Variants in NFATC3 observed in about 807,000 individuals in gnomAD.
The protein encoded by NFATC3 is nuclear factor of activated T-cells, cytoplasmic 3.
NFATC3 carries 46 observed loss-of-function variants against 98.6 expected under a neutral mutation model. That is an observed-to-expected ratio of 0.47 (90% CI 0.37 to 0.60). The LOEUF (loss-of-function observed/expected upper bound fraction) is 0.60. NFATC3 is among the 20% of genes least tolerant of loss of function. The probability of loss-of-function intolerance (pLI) is 0.00; values close to 1 mark genes in which losing one functional copy is unlikely to be tolerated. For synonymous variants in NFATC3, 512 were observed against 472.2 expected (o/e 1.08, Z -1.09); for missense variants, 1,256 against 1,295.5 (o/e 0.97, Z 0.47).
chr16:68,157,485 G>A (rs1019908429), intron 3 of NFATC3, among the ~76,000 whole-genome samples: 6 of 152,178 alleles, frequency 3.9e-5, no homozygotes, highest in Non-Finnish European at 2.9e-5. Flanking sequence ...TTAACAGTCT[G>A]TTAGAGGACC....
chr16:68,194,215 C>T (rs2040564104), intron 9 of NFATC3, among the ~76,000 whole-genome samples: 1 of 152,178 alleles, frequency 6.6e-6, no homozygotes, highest in Non-Finnish European at 1.5e-5. Flanking sequence ...ACAGCTGCCT[C>T]TCAGAAACAG....
At chr16:68,137,906 C>T (rs2037524431) in intron 3 of NFATC3, among the ~76,000 whole-genome samples, 1 of 152,106 alleles carries the variant, frequency 6.6e-6, no homozygotes, top group South Asian at 2.1e-4. Context: ...AGGCGTGAGC[C>T]ACCGTGCCCG....
intron 1 of NFATC3, among the ~76,000 whole-genome samples, chr16:68,104,040 C>T (rs764686372): frequency 2.0e-5 from 3 of 152,114 alleles, no homozygotes; most frequent in South Asian, 2.1e-4. Flanking sequence ...CTTGCATTTC[C>T]GTATAAATTT....
At chr16:68,190,695 C>G in intron 8 of NFATC3, 73 bp from the exon 9 acceptor site, 1 of 1,461,072 alleles carries the variant, frequency 6.8e-7, no homozygotes, top group Non-Finnish European at 9.2e-7. Context: ...AGTTGTGTAA[C>G]CTAGCATGAA....
chr16:68,181,970 A>G (rs2039967462), intron 7 of NFATC3, among the ~76,000 whole-genome samples: 1 of 152,312 alleles, frequency 6.6e-6, no homozygotes, highest in South Asian at 2.1e-4. Flanking sequence ...ATATTTACCT[A>G]GTATTAAAGT....
chr16:68,189,588 C>G (rs1207607143), intron 8 of NFATC3, among the ~76,000 whole-genome samples: 20 of 152,118 alleles, frequency 1.3e-4, no homozygotes, highest in Admixed American at 1.3e-3. Context: ...AAAAAGATCA[C>G]TTTGGAGAGT....
Position 68,191,486 on chromosome 16 carries a change from T to C in NFATC3, c.2817T>C (p.Leu939=), listed in dbSNP as rs750740160. 3 of 1,614,144 alleles carry C rather than the reference T, an allele frequency of 1.9e-6. No homozygotes were observed. Among genetic ancestry groups the C allele is most frequent in the Admixed American group, 1.7e-5 (1 of 60,002 alleles). ...AASHPLASSP[L]SGPPSPQLQP... is the part of the protein sequence containing the mutation. ...CTCATCCCTTGGCTAGTTCACCGCT[T>C]TCTGGGCCACCATCTCCTCAGCTTC... is the stretch of plus-strand genomic sequence containing the variant. Residue 939 remains leucine, a synonymous_variant, in exon 9 of 10, where the codon CTT becomes CTC. Coordinates refer to ENST00000346183, the MANE Select transcript of NFATC3 (RefSeq NM_173165.3).
At chr16:68,147,929 A>G (rs1391034931) in intron 3 of NFATC3, among the ~76,000 whole-genome samples, 1 of 152,076 alleles carries the variant, frequency 6.6e-6, no homozygotes, top group Non-Finnish European at 1.5e-5. Flanking sequence ...TAATGGCTGA[A>G]ATTTGTTTTT....
At chr16:68,140,393 T>G (rs1203573403) in intron 3 of NFATC3, among the ~76,000 whole-genome samples, 3 of 152,212 alleles carry the variant, frequency 2.0e-5, no homozygotes, top group African/African-American at 7.2e-5. Context: ...GGGAAGGGTT[T>G]AGAGCTGCAC....
At chr16:68,161,231 G>T (rs2038878356) in intron 4 of NFATC3, among the ~76,000 whole-genome samples, 2 of 152,172 alleles carry the variant, frequency 1.3e-5, no homozygotes, top group African/African-American at 4.8e-5. Context: ...TTAGTCAGCT[G>T]TAGAGGGAAA....
At chr16:68,130,648 G>T (rs1291116202) in intron 3 of NFATC3, among the ~76,000 whole-genome samples, 1 of 152,086 alleles carries the variant, frequency 6.6e-6, no homozygotes, top group African/African-American at 2.4e-5. Flanking sequence ...AAGCTATTTA[G>T]TTGATAGAGT....
intron 1 of NFATC3, 187 bp downstream of exon 1, chr16:68,085,971 G>A (rs923846902): frequency 2.2e-4 from 101 of 467,072 alleles, no homozygotes; most frequent in Non-Finnish European, 3.5e-4. Flanking sequence ...GCTGCGACGT[G>A]GAAGTGGTGG....
intron 8 of NFATC3, among the ~76,000 whole-genome samples, chr16:68,190,331 G>A (rs1412173497): frequency 1.3e-5 from 2 of 152,154 alleles, no homozygotes; most frequent in East Asian, 1.9e-4. Flanking sequence ...GGTAGGCTTC[G>A]GATCAGGGAT....
intron 1 of NFATC3, among the ~76,000 whole-genome samples, chr16:68,096,033 G>T (rs1464278552): frequency 6.6e-6 from 1 of 152,078 alleles, no homozygotes; most frequent in East Asian, 1.9e-4. Flanking sequence ...TGTTGCCCAG[G>T]CTGGAGTTCA....
intron 1 of NFATC3, among the ~76,000 whole-genome samples, chr16:68,106,712 C>T (rs1225292438): frequency 3.3e-5 from 5 of 151,852 alleles, no homozygotes; most frequent in Admixed American, 1.3e-4. Flanking sequence ...AGACGTGAGC[C>T]ACCGTACCCG....
intron 3 of NFATC3, among the ~76,000 whole-genome samples, chr16:68,156,801 T>C (rs1451506894): frequency 6.6e-6 from 1 of 151,832 alleles, no homozygotes; most frequent in East Asian, 1.9e-4. Flanking sequence ...TAGCCGGGCA[T>C]GTTGGTGGGT....
Position 68,228,443 on chromosome 16 carries a change from GCAATA to G in NFATC3, c.*1974_*1978del, listed in dbSNP as rs2042077011. The G allele has an allele frequency of 6.6e-6, 1 of 152,352 alleles. No individual in the cohort carries two copies. The highest frequency in any genetic ancestry group is 2.1e-4 in the South Asian group (1 of 4,826). 9.4% of individuals were successfully genotyped at this position (152,352 alleles called of 1,614,324 possible). ...TGAGGTTATTGCAAGAGTTCCCCTT[GCAATA>G]CCCTTTGTGCCCTCAAGAATTAAAA... On this transcript the variant is annotated 3_prime_UTR_variant, in exon 10 of 10. Coordinates refer to ENST00000346183, the MANE Select transcript of NFATC3 (RefSeq NM_173165.3).
intron 3 of NFATC3, among the ~76,000 whole-genome samples, chr16:68,156,938 CA>C: frequency 6.6e-6 from 1 of 151,470 alleles, no homozygotes; most frequent in Non-Finnish European, 1.5e-5. Context: ...GACACTGTCT[CA>C]AAAAAAGGCA....
chr16:68,217,802 G>C (rs566028316), intron 9 of NFATC3: 2 of 1,231,616 alleles, frequency 1.6e-6, no homozygotes, highest in East Asian at 6.3e-5. Flanking sequence ...GGCCAAGCAA[G>C]TGATGAGGAA....
Sources: gnomAD v4.1 joint callset for allele counts (sites outside exome capture counted in the v4.1 genomes callset) on GRCh38, gnomAD v4.1.1 for gene constraint, MANE v1.5 for transcripts, NCBI Gene and HGNC (gene_info 2026-07-23, HGNC 2026-07-21) for gene names.